The following STK17B variants were observed in gnomAD, a reference collection of about 807,000 sequenced individuals.
The protein encoded by STK17B is serine/threonine kinase 17b, also known as serine/threonine-protein kinase 17B.
In STK17B, 21 loss-of-function variants were observed where a neutral mutation model predicts 42.0. The observed-to-expected ratio is 0.50, with a 90% CI of 0.35 to 0.72. The LOEUF is 0.72. Among genes scored for constraint, STK17B ranks in the 30% least tolerant of loss-of-function variants. The probability of loss-of-function intolerance (pLI) is 0.00; values close to 1 mark genes in which losing one functional copy is unlikely to be tolerated. For missense variants in STK17B, 349 were observed against 446.0 expected, an observed-to-expected ratio of 0.78 and a Z score of 1.96; for synonymous variants, 143 against 148.4, an observed-to-expected ratio of 0.96 and a Z score of 0.26.
intron 1 of STK17B, among the ~76,000 whole-genome samples, chr2:196,168,659 T>C (rs1699898841): frequency 6.7e-6 from 1 of 148,840 alleles, no homozygotes; most frequent in Admixed American, 6.6e-5. Flanking sequence ...CTAATATATA[T>C]GTTTTAAATG....
At chr2:196,173,659 G>A (rs9678383), upstream of STK17B, among the ~76,000 whole-genome samples, 424 of 152,296 alleles carry the variant, frequency 2.8e-3, 4 homozygotes, top group African/African-American at 9.4e-3. Flanking sequence ...CCGTGTCAAA[G>A]ATATATGTTC....
upstream of STK17B, among the ~76,000 whole-genome samples, chr2:196,175,379 A>C (rs1174839478): frequency 6.6e-6 from 1 of 152,190 alleles, no homozygotes; most frequent in Non-Finnish European, 1.5e-5. Context: ...TAATCCTAGC[A>C]CTTTGGGAGG....
chr2:196,143,431 A>G (rs945588266), intron 5 of STK17B, 129 bp downstream of exon 5: 32 of 899,072 alleles, frequency 3.6e-5, no homozygotes, highest in Non-Finnish European at 4.8e-5. Context: ...GTTTTAATGT[A>G]TCAAAATACT....
chr2:196,164,610 CT>C (rs141362335), intron 1 of STK17B, among the ~76,000 whole-genome samples: 73 of 152,266 alleles, frequency 4.8e-4, no homozygotes, highest in South Asian at 1.0e-3. Context: ...CCTCTGACAT[CT>C]TTTTTTCCTA....
chr2:196,145,155 A>G (rs1453864645), intron 4 of STK17B, among the ~76,000 whole-genome samples: 1 of 150,614 alleles, frequency 6.6e-6, no homozygotes, highest in Non-Finnish European at 1.5e-5. Flanking sequence ...GGCCCAAAAC[A>G]GAACTACAGG....
chr2:196,148,434 A>C (rs1296860664), intron 3 of STK17B, among the ~76,000 whole-genome samples: 1 of 152,206 alleles, frequency 6.6e-6, no homozygotes, highest in Non-Finnish European at 1.5e-5. Context: ...ATAATATTAC[A>C]AATAATATTA....
rs1047669183 is a variant in STK17B at position 196,134,460 on chromosome 2, T to C, written c.*2987A>G. On this transcript the variant is annotated 3_prime_UTR_variant, in exon 8 of 8. Coordinates refer to ENST00000263955, the MANE Select transcript of STK17B (RefSeq NM_004226.4). ...CATGCTCCTTATGAGAATCTAATGATAAATGTAATGTACTTGAATCATCCT... is the reference window on the plus strand; with the variant it reads ...CATGCTCCTTATGAGAATCTAATGACAAATGTAATGTACTTGAATCATCCT... 6.6e-6 allele frequency: 1 copy of C among 152,166 alleles called. No homozygotes were observed. The highest frequency in any genetic ancestry group is 3.2e-3 in the Middle Eastern group (1 of 314). 9.4% of individuals were successfully genotyped at this position (152,166 alleles called of 1,614,324 possible).
At chr2:196,143,388 T>TCAAAA (rs3052608) in intron 5 of STK17B, among the ~76,000 whole-genome samples, 172 bp downstream of exon 5, 4 of 151,408 alleles carry the variant, frequency 2.6e-5, no homozygotes, top group Non-Finnish European at 4.4e-5. Flanking sequence ...ATACTTTTAT[T>TCAAAA]CATTTCATTT....
chr2:196,164,323 G>C (rs967585629), intron 1 of STK17B, among the ~76,000 whole-genome samples: 3 of 152,160 alleles, frequency 2.0e-5, no homozygotes, highest in Non-Finnish European at 2.9e-5. Flanking sequence ...AGCCTGCTAT[G>C]TATGAAGTGC....
At position 196,156,633 on chromosome 2, in the gene STK17B, AACC is replaced by A. The variant is rs1699742892; in HGVS notation, c.138_140del (p.Val47del). On this transcript the variant is annotated inframe_deletion, in exon 3 of 8. Transcript: ENST00000263955. ...CAGTAGATTTTGATATACATTGTCT[AACC>A]ACAGCAAATTTTCCTCTGGGGGAAG... The A allele has an allele frequency of 6.2e-7, 1 of 1,612,144 alleles. No individual in the cohort carries two copies. The highest frequency in any genetic ancestry group is 8.5e-7 in the Non-Finnish European group (1 of 1,179,272).
Position 196,136,734 on chromosome 2 carries a change from C to G in STK17B, c.*713G>C, listed in dbSNP as rs953052182. ...AATATCTCCATCTTCCAGACCTTAT[C>G]AGATCTCAAGTAGGTTGGGAGGAGG... On this transcript the variant is annotated 3_prime_UTR_variant, in exon 8 of 8. Transcript: ENST00000263955. 6.6e-6 allele frequency: 1 copy of G among 152,114 alleles called. No individual in the cohort carries two copies. Among genetic ancestry groups the G allele is most frequent in the African/African-American group, 2.4e-5 (1 of 41,416 alleles). The allele number at this position is 152,114 out of a possible 1,614,324, so 9.4% of individuals were successfully genotyped here.
rs1026986428 is a variant in STK17B, at chr2:196,171,317, C to G, written c.-45+16G>C. The G allele has an allele frequency of 6.5e-6, 1 of 152,702 alleles. No individual in the cohort carries two copies. Among genetic ancestry groups the G allele is most frequent in the Non-Finnish European group, 1.5e-5 (1 of 68,498 alleles). The allele number at this position is 152,702 out of a possible 1,614,324, so 9.5% of individuals were successfully genotyped here. ...CGCAGCCCCGAGCCAACCCGCCAAT[C>G]CCGCAGGACACTAACCGCTCCGGCC... On this transcript the variant is annotated intron_variant, in intron 1 of 7. Transcript: ENST00000263955.
intron 1 of STK17B, among the ~76,000 whole-genome samples, chr2:196,167,746 A>C (rs1031043100): frequency 2.0e-5 from 3 of 152,242 alleles, no homozygotes; most frequent in Non-Finnish European, 4.4e-5. Context: ...AAGAGCCTCC[A>C]AAAATCAGGA....
At chr2:196,164,069 T>TAAAGAAAGAAAG (rs1403794081) in intron 1 of STK17B, among the ~76,000 whole-genome samples, 4 of 151,526 alleles carry the variant, frequency 2.6e-5, no homozygotes, top group African/African-American at 9.7e-5. Flanking sequence ...AATAAATAAA[T>TAAAGAAAGAAAG]AAATAAAGTT....
In STK17B at chr2:196,135,436, TAA is replaced by T. The variant is rs948209243; in HGVS notation, c.*2009_*2010del. On this transcript the variant is annotated 3_prime_UTR_variant, in exon 8 of 8. Transcript: ENST00000263955. ...ATTTAAATGTCATAAGAAGAGAACA[TAA>T]AGTCATATAAAGAATATAAATGTCA... The T allele has an allele frequency of 1.9e-4, 29 of 152,134 alleles. No homozygotes were observed. The highest frequency in any genetic ancestry group is 6.3e-4 in the African/African-American group (26 of 41,432). The allele number at this position is 152,134 out of a possible 1,614,324, so 9.4% of individuals were successfully genotyped here.
chr2:196,169,661 CA>C (rs1372575965), intron 1 of STK17B, among the ~76,000 whole-genome samples: 5 of 152,162 alleles, frequency 3.3e-5, no homozygotes, highest in Admixed American at 3.3e-4. Flanking sequence ...GTATCTTCTT[CA>C]AATTTGTTAC....
rs1699407800 is a variant in STK17B at position 196,136,499 on chromosome 2, A to G, written c.*948T>C. 1 of 152,544 alleles carries G rather than the reference A, an allele frequency of 6.6e-6. No homozygotes were observed. The highest frequency in any genetic ancestry group is 2.4e-5 in the African/African-American group (1 of 41,448). The allele number at this position is 152,544 out of a possible 1,614,324, so 9.4% of individuals were successfully genotyped here. ...AGACCTACCGGTGCTGTAATTTTTT[A>G]TGCATACTTTTAGAACTCTGAATGA... is the stretch of plus-strand genomic sequence containing the variant. On this transcript the variant is annotated 3_prime_UTR_variant, in exon 8 of 8. Transcript: ENST00000263955.
intron 3 of STK17B, among the ~76,000 whole-genome samples, chr2:196,150,270 G>A (rs1003813951): frequency 2.0e-5 from 3 of 151,618 alleles, no homozygotes; most frequent in African/African-American, 4.8e-5. Flanking sequence ...ATTGACCTGG[G>A]AGATAAATCA....
At chr2:196,152,840 G>A (rs1222182084) in intron 3 of STK17B, among the ~76,000 whole-genome samples, 2 of 152,174 alleles carry the variant, frequency 1.3e-5, no homozygotes, top group African/African-American at 4.8e-5. Flanking sequence ...AGCTACATAG[G>A]TATGGTTGGA....
Sources: gnomAD v4.1 joint callset for allele counts (sites outside exome capture counted in the v4.1 genomes callset) on GRCh38, gnomAD v4.1.1 for gene constraint, MANE v1.5 for transcripts, NCBI Gene and HGNC (gene_info 2026-07-23, HGNC 2026-07-21) for gene names.